SEMA5A: variants seen among roughly 807,000 people sequenced by gnomAD.
The protein encoded by SEMA5A is semaphorin 5A, also known as semaphorin-5A.
In SEMA5A, 55 loss-of-function variants were observed where a neutral mutation model predicts 135.5. The ratio of observed to expected loss-of-function variants is 0.41; its 90% CI spans 0.33 to 0.51. The LOEUF is 0.51. SEMA5A is among the 20% of genes least tolerant of loss of function. SEMA5A has a pLI of 0.37. For missense variants in SEMA5A, 1,290 were observed against 1,419.9 expected, an observed-to-expected ratio of 0.91 and a Z score of 1.47; for synonymous variants, 580 against 546.5, an observed-to-expected ratio of 1.06 and a Z score of -0.85.
intron 2 of SEMA5A, among the ~76,000 whole-genome samples, chr5:9,422,173 C>T (rs1393031190): frequency 6.6e-6 from 1 of 152,186 alleles, no homozygotes; most frequent in East Asian, 1.9e-4. Flanking sequence ...GGCACAGATG[C>T]CACCTTGCCC....
chr5:9,146,445 A>G (rs1007227240), intron 12 of SEMA5A, among the ~76,000 whole-genome samples: 6 of 152,218 alleles, frequency 3.9e-5, no homozygotes, highest in Admixed American at 2.0e-4. Context: ...CGTTGAAAGG[A>G]TGTATCATAA....
At chr5:9,504,157 G>A (rs1735739415) in intron 1 of SEMA5A, among the ~76,000 whole-genome samples, 3 of 144,642 alleles carry the variant, frequency 2.1e-5, no homozygotes, top group Non-Finnish European at 3.0e-5. Context: ...GGAGGCTGCA[G>A]TGAGCCAAGG....
At chr5:9,512,774 C>T (rs1736279335) in intron 1 of SEMA5A, among the ~76,000 whole-genome samples, 1 of 152,156 alleles carries the variant, frequency 6.6e-6, no homozygotes. Flanking sequence ...GTCCCACTGA[C>T]AACCAAATCC....
intron 2 of SEMA5A, among the ~76,000 whole-genome samples, chr5:9,392,671 A>C (rs1202880033): frequency 6.6e-6 from 1 of 152,202 alleles, no homozygotes; most frequent in East Asian, 1.9e-4. Flanking sequence ...ACTGGAATAC[A>C]AGTAACTGGA....
At chr5:9,090,096 T>C (rs1738949088) in intron 16 of SEMA5A, among the ~76,000 whole-genome samples, 1 of 152,190 alleles carries the variant, frequency 6.6e-6, no homozygotes, top group Non-Finnish European at 1.5e-5. Context: ...GTCTGTACAC[T>C]GCACAAAAGG....
chr5:9,187,968 T>C (rs1235896623), intron 11 of SEMA5A, among the ~76,000 whole-genome samples: 1 of 152,264 alleles, frequency 6.6e-6, no homozygotes, highest in Non-Finnish European at 1.5e-5. Context: ...AACTTTTAAA[T>C]AGTGGTTTTA....
At chr5:9,431,562 A>G (rs981861513) in intron 2 of SEMA5A, among the ~76,000 whole-genome samples, 1 of 152,154 alleles carries the variant, frequency 6.6e-6, no homozygotes, top group African/African-American at 2.4e-5. Context: ...TAGATAAAGC[A>G]TGAACTGATT....
At chr5:9,402,699 G>A (rs1437076052) in intron 2 of SEMA5A, among the ~76,000 whole-genome samples, 1 of 152,194 alleles carries the variant, frequency 6.6e-6, no homozygotes, top group Non-Finnish European at 1.5e-5. Context: ...TCAAGGGTTT[G>A]AAGACCCAAT....
rs1279068183 is a variant in SEMA5A at position 9,455,507 on chromosome 5, C to T, written c.-174-17655G>A. Reference sequence around the variant, plus strand: ...TCCTGACTTTGTGATCCGCCCGCCTCGGCCTCCCAAAGTGCTGGGATTACA... The same window carrying T: ...TCCTGACTTTGTGATCCGCCCGCCTTGGCCTCCCAAAGTGCTGGGATTACA... On this transcript the variant is annotated intron_variant, in intron 1 of 22. Transcript: ENST00000382496. Among the ~76,000 whole-genome samples, 8 of 152,210 alleles carry T rather than the reference C, an allele frequency of 5.3e-5. No homozygotes were observed. In the East Asian group the frequency reaches 1.2e-3, roughly 22 times the overall value.
At position 9,243,182 on chromosome 5, in the gene SEMA5A, C is replaced by T. The variant is rs554864139; in HGVS notation, c.271-5292G>A. Among the ~76,000 whole-genome samples, 430 of 152,254 alleles carry T rather than the reference C, an allele frequency of 2.8e-3. 2 individuals carry two copies. The highest frequency in any genetic ancestry group is 9.8e-3 in the African/African-American group (409 of 41,556). ...TCTTACAGTTCTGGAGGCTCGTTGGCAGGGTTGAATCCGACTGAAAACTTT... is the reference window on the plus strand; with the variant it reads ...TCTTACAGTTCTGGAGGCTCGTTGGTAGGGTTGAATCCGACTGAAAACTTT... On this transcript the variant is annotated intron_variant, in intron 5 of 22. Transcript: ENST00000382496.
intron 1 of SEMA5A, among the ~76,000 whole-genome samples, chr5:9,484,962 G>T (rs1439562161): frequency 6.6e-6 from 1 of 152,146 alleles, no homozygotes; most frequent in Non-Finnish European, 1.5e-5. Flanking sequence ...ATGTGGACCT[G>T]AATTTGAATT....
chr5:9,397,590 T>C (rs1289572080), intron 2 of SEMA5A, among the ~76,000 whole-genome samples: 2 of 152,240 alleles, frequency 1.3e-5, no homozygotes, highest in East Asian at 1.9e-4. Flanking sequence ...CTGAGATATA[T>C]GGCTTTGCAC....
chr5:9,325,434 C>CT (rs1246037210), intron 4 of SEMA5A, among the ~76,000 whole-genome samples: 2 of 152,220 alleles, frequency 1.3e-5, no homozygotes, highest in African/African-American at 4.8e-5. Context: ...CGTTTCCCCA[C>CT]TAGACACCTG....
At position 9,312,098 on chromosome 5, in the gene SEMA5A, G is replaced by A. The variant is rs539459756; in HGVS notation, c.270+6274C>T. Among the ~76,000 whole-genome samples the A allele has an allele frequency of 2.7e-4, 41 of 152,186 alleles. No homozygotes were observed. The South Asian group carries it at 3.1e-3, about 12-fold the overall frequency. On this transcript the variant is annotated intron_variant, in intron 5 of 22. Coordinates refer to ENST00000382496, the MANE Select transcript of SEMA5A (RefSeq NM_003966.3). ...TGAGCATCTACCTCCAGCCATCTGC[G>A]GTAGGATCCCAGATGGGCAAATGCT...
At chr5:9,168,497 T>C (rs1743735786) in intron 11 of SEMA5A, among the ~76,000 whole-genome samples, 1 of 152,188 alleles carries the variant, frequency 6.6e-6, no homozygotes, top group Non-Finnish European at 1.5e-5. Context: ...GGGAAGCACT[T>C]TATGTGTCTT....
At chr5:9,176,463 C>T (rs181858091) in intron 11 of SEMA5A, among the ~76,000 whole-genome samples, 17 of 152,298 alleles carry the variant, frequency 1.1e-4, no homozygotes, top group East Asian at 5.8e-4. Context: ...AAACCCTGAA[C>T]GGAGGACCCA....
At chr5:9,534,559 G>A (rs553263459) in intron 1 of SEMA5A, among the ~76,000 whole-genome samples, 9 of 152,186 alleles carry the variant, frequency 5.9e-5, no homozygotes, top group Non-Finnish European at 8.8e-5. Flanking sequence ...AGCCAGTGTT[G>A]CATCCCCATG....
chr5:9,410,257 C>T (rs922351176), intron 2 of SEMA5A, among the ~76,000 whole-genome samples: 2 of 152,052 alleles, frequency 1.3e-5, no homozygotes, highest in Non-Finnish European at 2.9e-5. Context: ...ACAATGCACT[C>T]CAGAAATGGA....
intron 16 of SEMA5A, among the ~76,000 whole-genome samples, chr5:9,105,388 C>T (rs539043476): frequency 2.6e-5 from 4 of 152,270 alleles, no homozygotes; most frequent in East Asian, 1.9e-4. Context: ...CTTTTCTAAC[C>T]GATGCATACT....
Sources: allele counts gnomAD v4.1 joint callset (sites outside exome capture counted in the v4.1 genomes callset), GRCh38; gene constraint gnomAD v4.1.1; transcripts MANE v1.5; gene names NCBI Gene and HGNC (gene_info 2026-07-23, HGNC 2026-07-21).